STON2: variants seen among roughly 807,000 people sequenced by gnomAD.
STON2 encodes the protein stonin-2.
A neutral mutation model predicts 65.7 loss-of-function variants in STON2; 29 were observed. That is an observed-to-expected ratio of 0.44 (90% CI 0.33 to 0.60). STON2 has a LOEUF of 0.60. STON2 is among the 20% of genes least tolerant of loss of function. STON2 has a pLI of 0.03. For missense variants in STON2, 1,054 were observed against 1,118.1 expected, an observed-to-expected ratio of 0.94 and a Z score of 0.82; for synonymous variants, 404 against 414.2, an observed-to-expected ratio of 0.98 and a Z score of 0.30.
intron 4 of STON2, among the ~76,000 whole-genome samples, chr14:81,335,242 C>G (rs1260068363): frequency 1.3e-5 from 2 of 151,932 alleles, no homozygotes; most frequent in African/African-American, 4.8e-5. Flanking sequence ...GTGATAGTCT[C>G]AAAAACACTA....
intron 1 of STON2, among the ~76,000 whole-genome samples, chr14:81,434,645 A>G (rs1234510137): frequency 6.6e-6 from 1 of 152,094 alleles, no homozygotes; most frequent in Non-Finnish European, 1.5e-5. Context: ...ACAGATTCCC[A>G]CTGACATCAC....
intron 1 of STON2, among the ~76,000 whole-genome samples, chr14:81,428,933 T>C (rs1595476719): frequency 6.6e-6 from 1 of 152,232 alleles, no homozygotes; most frequent in African/African-American, 2.4e-5. Flanking sequence ...AAGCCACTGA[T>C]GGTCCCACTC....
At chr14:81,286,476 G>C (rs1191018469) in intron 5 of STON2, among the ~76,000 whole-genome samples, 1 of 152,204 alleles carries the variant, frequency 6.6e-6, no homozygotes, top group Non-Finnish European at 1.5e-5. Context: ...GTGATCATTA[G>C]CACTTTTAGT....
intron 4 of STON2, among the ~76,000 whole-genome samples, chr14:81,365,836 C>G (rs535551620): frequency 6.6e-6 from 1 of 152,314 alleles, no homozygotes; most frequent in Admixed American, 6.5e-5. Flanking sequence ...CAAGCATTTA[C>G]ATATTTTCTC....
chr14:81,261,935 G>C lies in STON2; in HGVS notation c.*6479C>G. 1.4e-6 allele frequency: 2 copies of C among 1,418,076 alleles called. No individual in the cohort carries two copies. The highest frequency in any genetic ancestry group is 1.8e-6 in the Non-Finnish European group (2 of 1,093,914). The allele number at this position is 1,418,076 out of a possible 1,614,324, so 87.8% of individuals were successfully genotyped here. A position where few individuals can be genotyped will look rare whatever the true frequency, so the allele number is the denominator to read the frequency against. On this transcript the variant is annotated 3_prime_UTR_variant, in exon 8 of 8. Coordinates refer to ENST00000614646, the MANE Select transcript of STON2 (RefSeq NM_001394390.1). ...GAAGGTTGTCTGTTTCTGTTGTCTG[G>C]GGAAATGATAAAAAAAAAAAAAAAA... is the stretch of plus-strand genomic sequence containing the variant.
chr14:81,402,999 A>G (rs1037621895), upstream of STON2, among the ~76,000 whole-genome samples: 3 of 152,236 alleles, frequency 2.0e-5, no homozygotes, highest in Non-Finnish European at 4.4e-5. Flanking sequence ...TGCCTGGCAC[A>G]GGTTAGCAGC....
At chr14:81,322,048 C>T (rs1216569122) in intron 5 of STON2, among the ~76,000 whole-genome samples, 3 of 152,198 alleles carry the variant, frequency 2.0e-5, no homozygotes, top group Admixed American at 6.5e-5. Flanking sequence ...GACCGTCCGT[C>T]TACATAAGTA....
chr14:81,421,752 T>C (rs895237267), intron 2 of STON2, among the ~76,000 whole-genome samples: 4 of 152,210 alleles, frequency 2.6e-5, no homozygotes, highest in African/African-American at 9.7e-5. Flanking sequence ...AGGGAGGTGA[T>C]GAGCTTAGCA....
At chr14:81,402,987 A>G (rs1214021525), upstream of STON2, among the ~76,000 whole-genome samples, 1 of 152,212 alleles carries the variant, frequency 6.6e-6, no homozygotes. Context: ...CATTGAGCAT[A>G]GTGCCTGGCA....
intron 3 of STON2, among the ~76,000 whole-genome samples, chr14:81,384,528 G>A (rs1157477284): frequency 6.6e-6 from 1 of 152,094 alleles, no homozygotes; most frequent in Non-Finnish European, 1.5e-5. Flanking sequence ...AAGCCATCGC[G>A]CCCAGCCCCT....
chr14:81,265,683 C>T lies in STON2; in HGVS notation c.*2731G>A. The T allele has an allele frequency of 3.2e-6, 1 of 310,362 alleles. No homozygotes were observed. The highest frequency in any genetic ancestry group is 4.4e-6 in the Non-Finnish European group (1 of 228,214). The allele number at this position is 310,362 out of a possible 1,614,324, so 19.2% of individuals were successfully genotyped here. On this transcript the variant is annotated 3_prime_UTR_variant, in exon 8 of 8. Transcript: ENST00000614646. ...AATAATAATAATAATAATACTCTGT[C>T]TCAATAATAATAATAATAATAATTT...
chr14:81,405,352 C>T (rs1178657706), intron 2 of STON2, among the ~76,000 whole-genome samples: 2 of 151,656 alleles, frequency 1.3e-5, no homozygotes, highest in Admixed American at 6.6e-5. Context: ...TATATTCACT[C>T]ATTGTGACAA....
chr14:81,418,235 T>C (rs911324704), intron 2 of STON2: 1 of 152,822 alleles, frequency 6.5e-6, no homozygotes, highest in Non-Finnish European at 1.5e-5. Flanking sequence ...CTTACATGGA[T>C]GGCAGCAGGC....
intron 5 of STON2, among the ~76,000 whole-genome samples, chr14:81,287,158 T>C (rs1895364040): frequency 6.6e-6 from 1 of 152,170 alleles, no homozygotes; most frequent in South Asian, 2.1e-4. Flanking sequence ...ATATCAAGCT[T>C]ATCAAGGGAG....
intron 5 of STON2, among the ~76,000 whole-genome samples, chr14:81,319,609 G>C (rs1451678672): frequency 6.6e-6 from 1 of 151,820 alleles, no homozygotes; most frequent in Non-Finnish European, 1.5e-5. Flanking sequence ...AGATGAACTG[G>C]AATCACTGCA....
At chr14:81,379,343 G>A (rs1431720393) in intron 3 of STON2, among the ~76,000 whole-genome samples, 2 of 152,066 alleles carry the variant, frequency 1.3e-5, no homozygotes, top group Non-Finnish European at 2.9e-5. Flanking sequence ...CTTAGAGGAA[G>A]TATTTCTAAA....
intron 2 of STON2, among the ~76,000 whole-genome samples, chr14:81,408,408 A>C (rs1183229206): frequency 2.0e-5 from 3 of 152,202 alleles, no homozygotes; most frequent in Non-Finnish European, 2.9e-5. Flanking sequence ...CAAAAGAAAC[A>C]AATGTCATAC....
chr14:81,371,598 G>C (rs1396017706), intron 3 of STON2, among the ~76,000 whole-genome samples: 2 of 145,182 alleles, frequency 1.4e-5, no homozygotes, highest in East Asian at 4.2e-4. Context: ...GGGAGGCTGA[G>C]ATAGGAGAAT....
intron 4 of STON2, among the ~76,000 whole-genome samples, chr14:81,337,658 A>G (rs1473059498): frequency 6.6e-6 from 1 of 152,202 alleles, no homozygotes; most frequent in East Asian, 1.9e-4. Flanking sequence ...AAGAGGGAAC[A>G]GCAAGAGAAA....
Sources: gnomAD v4.1 joint callset for allele counts (sites outside exome capture counted in the v4.1 genomes callset) on GRCh38, gnomAD v4.1.1 for gene constraint, MANE v1.5 for transcripts, NCBI Gene and HGNC (gene_info 2026-07-23, HGNC 2026-07-21) for gene names.